RGSL1: variants seen among roughly 807,000 people sequenced by gnomAD.
The protein encoded by RGSL1 is regulator of G protein signaling like 1.
A neutral mutation model predicts 124.7 loss-of-function variants in RGSL1; 97 were observed. The ratio of observed to expected loss-of-function variants is 0.78; its 90% CI spans 0.66 to 0.92. The LOEUF (loss-of-function observed/expected upper bound fraction) is 0.92. Among genes scored for constraint, RGSL1 ranks in the 40% least tolerant of loss-of-function variants. The pLI, the probability that RGSL1 is intolerant of heterozygous loss-of-function variation, is 0.00. For missense variants in RGSL1, 1,233 were observed against 1,288.4 expected, an observed-to-expected ratio of 0.96 and a Z score of 0.66; for synonymous variants, 424 against 438.1, an observed-to-expected ratio of 0.97 and a Z score of 0.40.
At chr1:182,512,060 C>A (rs1571617292) in intron 9 of RGSL1, among the ~76,000 whole-genome samples, 1 of 152,180 alleles carries the variant, frequency 6.6e-6, no homozygotes, top group East Asian at 1.9e-4. Context: ...ATAAATGCTA[C>A]TAATTTTTGT....
intron 6 of RGSL1, among the ~76,000 whole-genome samples, chr1:182,486,994 C>T (rs115223872): frequency 6.6e-6 from 1 of 152,130 alleles, no homozygotes; most frequent in Non-Finnish European, 1.5e-5. Context: ...ACCTTTTAAA[C>T]CAAAAGGGAT....
At chr1:182,488,373 G>C (rs375633800) in intron 7 of RGSL1, 26 bp downstream of exon 7, 21 of 1,527,152 alleles carry the variant, frequency 1.4e-5, no homozygotes, top group Admixed American at 2.0e-5. Flanking sequence ...GGTTAGGAAG[G>C]AATCATGAGG....
chr1:182,488,769 A>G, intron 7 of RGSL1: 1 of 490,656 alleles, frequency 2.0e-6, no homozygotes, highest in Non-Finnish European at 3.5e-6. Context: ...AAAAAGTCAC[A>G]ACCACAGAAA....
chr1:182,514,241 G>A (rs1657689436), intron 9 of RGSL1, among the ~76,000 whole-genome samples: 1 of 152,152 alleles, frequency 6.6e-6, no homozygotes, highest in Non-Finnish European at 1.5e-5. Flanking sequence ...ATAGCTTGCT[G>A]TAATTGAGTG....
At position 182,551,227 on chromosome 1, in the gene RGSL1, TCA is replaced by T. The variant is rs10606048; in HGVS notation, c.3043+21_3043+22del. The T allele has an allele frequency of 0.12, 182,984 of 1,524,742 alleles. 12,174 individuals are homozygous for T. The highest frequency in any genetic ancestry group is 0.14 in the Non-Finnish European group (154,208 of 1,123,026). The allele number at this position is 1,524,742 out of a possible 1,614,324, so 94.5% of individuals were successfully genotyped here. ...GAGTGGAGGTAAGCTCCACCACGAC[TCA>T]CAGCCCCATTCTCCAGCAACCAAGA... On this transcript the variant is annotated intron_variant, in intron 18 of 21. Transcript: ENST00000294854.
rs550963646 is a variant in RGSL1 at position 182,515,102 on chromosome 1, G to A, written c.1826-6902G>A. Among the ~76,000 whole-genome samples, 15 of 152,258 alleles carry A rather than the reference G, an allele frequency of 9.9e-5. No homozygotes were observed. In the South Asian group the frequency reaches 2.5e-3, roughly 25 times the overall value. Reference sequence around the variant, plus strand: ...CCCCGAGTCCCAGCAACCATGGCAGGTGCCACCCACAGGTGTCACTGCAGC... The same window carrying A: ...CCCCGAGTCCCAGCAACCATGGCAGATGCCACCCACAGGTGTCACTGCAGC... On this transcript the variant is annotated intron_variant, in intron 9 of 21. Transcript: ENST00000294854.
intron 6 of RGSL1, among the ~76,000 whole-genome samples, chr1:182,486,310 A>T (rs973790417): frequency 1.7e-4 from 24 of 137,794 alleles, no homozygotes; most frequent in Admixed American, 2.9e-4. Context: ...TAGAGTCATA[A>T]TTTTTTTTTT....
At chr1:182,509,700 G>C (rs1346139142) in intron 9 of RGSL1, among the ~76,000 whole-genome samples, 3 of 139,420 alleles carry the variant, frequency 2.2e-5, no homozygotes, top group African/African-American at 8.1e-5. Flanking sequence ...GGACGGCACG[G>C]CTGGCCGGGC....
At chr1:182,462,883 G>C (rs2102004356) in intron 4 of RGSL1, among the ~76,000 whole-genome samples, 1 of 152,286 alleles carries the variant, frequency 6.6e-6, no homozygotes, top group South Asian at 2.1e-4. Context: ...GAATTTAAAT[G>C]TTTCACCAAA....
At chr1:182,486,310 AT>A (rs544790840) in intron 6 of RGSL1, among the ~76,000 whole-genome samples, 3,972 of 137,720 alleles carry the variant, frequency 0.029, 105 homozygotes, top group African/African-American at 0.088. Flanking sequence ...TAGAGTCATA[AT>A]TTTTTTTTTT....
intron 2 of RGSL1, among the ~76,000 whole-genome samples, chr1:182,454,246 C>A (rs1291439876): frequency 6.6e-6 from 1 of 152,144 alleles, no homozygotes; most frequent in Non-Finnish European, 1.5e-5. Flanking sequence ...TTGTTGATGT[C>A]ATCAGATCCT....
chr1:182,540,198 G>C, intron 14 of RGSL1, 49 bp from the exon 15 acceptor site: 1 of 1,491,758 alleles, frequency 6.7e-7, no homozygotes, highest in Non-Finnish European at 9.0e-7. Flanking sequence ...TTGAGGGTAA[G>C]AGTGACTTGA....
intron 9 of RGSL1, among the ~76,000 whole-genome samples, chr1:182,515,848 T>C (rs1050021334): frequency 6.6e-6 from 1 of 152,164 alleles, no homozygotes; most frequent in African/African-American, 2.4e-5. Flanking sequence ...GGAGCCCCTG[T>C]GGCCATGGGG....
At chr1:182,558,784 A>G (rs1056903182) in intron 21 of RGSL1, among the ~76,000 whole-genome samples, 1 of 151,920 alleles carries the variant, frequency 6.6e-6, no homozygotes, top group African/African-American at 2.4e-5. Flanking sequence ...TCTGCCTCCC[A>G]ACTCCCTTTT....
At chr1:182,481,012 C>T (rs541728084) in intron 6 of RGSL1, among the ~76,000 whole-genome samples, 2 of 152,076 alleles carry the variant, frequency 1.3e-5, no homozygotes, top group South Asian at 4.2e-4. Flanking sequence ...AAAGAAAAAT[C>T]TCAAATAAAC....
chr1:182,555,961 A>G, intron 20 of RGSL1, 63 bp from the exon 21 acceptor site: 2 of 1,437,248 alleles, frequency 1.4e-6, no homozygotes, highest in South Asian at 1.2e-5. Flanking sequence ...ACAAACCAAC[A>G]GAGAATGCAA....
chr1:182,516,050 G>A (rs1441846578), intron 9 of RGSL1, among the ~76,000 whole-genome samples: 2 of 152,216 alleles, frequency 1.3e-5, no homozygotes, highest in Non-Finnish European at 1.5e-5. Flanking sequence ...AGGTATCTCG[G>A]CTGATGGAGT....
intron 9 of RGSL1, among the ~76,000 whole-genome samples, chr1:182,504,875 C>T (rs936508328): frequency 2.0e-5 from 3 of 152,164 alleles, no homozygotes; most frequent in Non-Finnish European, 4.4e-5. Context: ...TATAACTCTT[C>T]TTTAGCCTTC....
In RGSL1 at chr1:182,474,088, G is replaced by A. The variant is rs1654081152; in HGVS notation, c.977G>A (p.Ser326Asn). The change falls in exon 6 of 22, where the codon AGC (serine) becomes AAC (asparagine). Residue 326 changes from serine (S) to asparagine (N), a missense_variant. Transcript: ENST00000294854. ...TCCAGCATGGAGAATAAAGCCAAGA[G>A]CCACCTCCACATGGAAGCCCCCTTT... ...KISSMENKAK[S>N]HLHMEAPFET... 3.2e-6 allele frequency: 5 copies of A among 1,551,686 alleles called. No homozygotes were observed. The South Asian group carries it at 5.9e-5, about 18-fold the overall frequency.
Sources: allele counts gnomAD v4.1 joint callset (sites outside exome capture counted in the v4.1 genomes callset), GRCh38; gene constraint gnomAD v4.1.1; transcripts MANE v1.5; gene names NCBI Gene and HGNC (gene_info 2026-07-23, HGNC 2026-07-21).